The following EGFR variants were observed in gnomAD, a reference collection of about 807,000 sequenced individuals.
EGFR encodes avian erythroblastic leukemia viral (v-erb-b) oncogene homolog.
In EGFR, 58 loss-of-function variants were observed where a neutral mutation model predicts 143.0. The observed-to-expected ratio is 0.41, with a 90% CI of 0.33 to 0.50. EGFR has a LOEUF of 0.50. EGFR is among the 20% of genes least tolerant of loss of function. The probability of loss-of-function intolerance (pLI) is 0.39; values close to 1 mark genes in which losing one functional copy is unlikely to be tolerated. For synonymous variants in EGFR, 613 were observed against 594.4 expected (o/e 1.03, Z -0.45); for missense variants, 1,307 against 1,579.0 (o/e 0.83, Z 2.92).
chr7:55,047,474 G>C (rs1209005780), intron 1 of EGFR, among the ~76,000 whole-genome samples: 1 of 152,224 alleles, frequency 6.6e-6, no homozygotes, highest in African/African-American at 2.4e-5. Context: ...CTGGGACTGG[G>C]CATGGTGGCT....
chr7:55,081,837 G>A (rs1249203106), intron 1 of EGFR, among the ~76,000 whole-genome samples: 1 of 152,048 alleles, frequency 6.6e-6, no homozygotes, highest in Non-Finnish European at 1.5e-5. Flanking sequence ...AGCAGCACAG[G>A]AAAGTTTCCC....
At chr7:55,191,910 T>A (rs2128964810) in intron 21 of EGFR, 36 bp downstream of exon 21, 1 of 1,611,432 alleles carries the variant, frequency 6.2e-7, no homozygotes, top group Non-Finnish European at 8.5e-7. Flanking sequence ...AGCATTTTCC[T>A]GACACCAGGG....
chr7:55,143,403 C>T lies in EGFR; in HGVS notation c.339C>T (p.Tyr113=), dbSNP rs374582814. Residue 113 remains tyrosine, a synonymous_variant, in exon 3 of 28, where the codon TAC becomes TAT. Transcript: ENST00000275493. The part of the protein sequence containing the change: ...NLQIIRGNMY[Y]ENSYALAVLS... ...AGATCATCAGAGGAAATATGTACTA[C>T]GAAAATTCCTATGCCTTAGCAGTCT... 96 of 1,614,044 alleles carry T rather than the reference C, an allele frequency of 5.9e-5. No homozygotes were observed. Among genetic ancestry groups the T allele is most frequent in the Middle Eastern group, 3.3e-4 (2 of 6,084 alleles).
At chr7:55,051,603 A>G (rs1301846863) in intron 1 of EGFR, among the ~76,000 whole-genome samples, 1 of 152,184 alleles carries the variant, frequency 6.6e-6, no homozygotes, top group African/African-American at 2.4e-5. Context: ...TTTTCTTTAT[A>G]AATTACCCAG....
At chr7:55,044,960 T>C (rs1367951101) in intron 1 of EGFR, among the ~76,000 whole-genome samples, 3 of 152,216 alleles carry the variant, frequency 2.0e-5, no homozygotes, top group Non-Finnish European at 4.4e-5. Context: ...GTGATTCTCT[T>C]GGCTCCGTGA....
chr7:55,059,709 T>A (rs756309927), intron 1 of EGFR, among the ~76,000 whole-genome samples: 2 of 152,212 alleles, frequency 1.3e-5, no homozygotes, highest in Non-Finnish European at 2.9e-5. Context: ...TTATTGTATG[T>A]ACACCATATT....
At chr7:55,063,304 C>T (rs958752342) in intron 1 of EGFR, among the ~76,000 whole-genome samples, 3 of 152,150 alleles carry the variant, frequency 2.0e-5, no homozygotes, top group African/African-American at 7.2e-5. Flanking sequence ...TCGTTTGAAT[C>T]CTCTTCCCTG....
intron 1 of EGFR, among the ~76,000 whole-genome samples, chr7:55,020,605 C>A (rs1354526849): frequency 2.0e-5 from 3 of 147,418 alleles, no homozygotes; most frequent in African/African-American, 7.5e-5. Flanking sequence ...GGATTGCTGT[C>A]CCTGGTTCAA....
At chr7:55,030,433 A>G (rs1406610035) in intron 1 of EGFR, among the ~76,000 whole-genome samples, 1 of 152,112 alleles carries the variant, frequency 6.6e-6, no homozygotes, top group East Asian at 1.9e-4. Context: ...ATGTGTTATA[A>G]CTGCCCATTC....
intron 1 of EGFR, among the ~76,000 whole-genome samples, chr7:55,081,748 T>A (rs997206687): frequency 6.6e-6 from 1 of 152,048 alleles, no homozygotes; most frequent in Non-Finnish European, 1.5e-5. Flanking sequence ...GCAAGCTTTT[T>A]TCTCTCTCCA....
intron 1 of EGFR, among the ~76,000 whole-genome samples, chr7:55,115,542 C>T (rs1374270759): frequency 6.6e-6 from 1 of 152,112 alleles, no homozygotes; most frequent in Non-Finnish European, 1.5e-5. Flanking sequence ...ATTTTATAAT[C>T]AATGGCAGTA....
At chr7:55,176,942 TCTAAATATATATATATCC>T (rs1441550920) in intron 19 of EGFR, among the ~76,000 whole-genome samples, 9 of 148,472 alleles carry the variant, frequency 6.1e-5, no homozygotes, top group African/African-American at 1.7e-4. Context: ...TATATCTCTC[TCTAAATATATATATATCC>T]CTAAATATAT....
At chr7:55,195,671 C>A (rs1787583969) in intron 22 of EGFR, among the ~76,000 whole-genome samples, 1 of 152,158 alleles carries the variant, frequency 6.6e-6, no homozygotes, top group African/African-American at 2.4e-5. Context: ...TCCCTCCTCC[C>A]ATCCTCCACC....
intron 3 of EGFR, among the ~76,000 whole-genome samples, chr7:55,145,020 AG>A (rs1794684603): frequency 6.6e-6 from 1 of 152,196 alleles, no homozygotes; most frequent in Admixed American, 6.5e-5. Flanking sequence ...GGGATTGTAT[AG>A]ATGCAGATTA....
chr7:55,042,016 A>G (rs1787925103), intron 1 of EGFR, among the ~76,000 whole-genome samples: 1 of 152,162 alleles, frequency 6.6e-6, no homozygotes, highest in Non-Finnish European at 1.5e-5. Context: ...TTCTCTGTAT[A>G]TGTATTTTAA....
intron 1 of EGFR, among the ~76,000 whole-genome samples, chr7:55,118,190 G>A (rs2128912014): frequency 6.6e-6 from 1 of 152,228 alleles, no homozygotes; most frequent in South Asian, 2.1e-4. Flanking sequence ...CCTCCTGTTG[G>A]AGGACACAGT....
chr7:55,206,629 G>T lies in EGFR; in HGVS notation c.*1012G>T, dbSNP rs17337549. 1 of 233,270 alleles carries T rather than the reference G, an allele frequency of 4.3e-6. No homozygotes were observed. The highest frequency in any genetic ancestry group is 8.5e-6 in the Non-Finnish European group (1 of 118,060). The allele number at this position is 233,270 out of a possible 1,614,324, so 14.5% of individuals were successfully genotyped here. Reference sequence around the variant, plus strand: ...ATCAGAAGACTACAAAAATGAAGCTGCTCTGAAATCTCCTTTAGCCATCAC... The same window carrying T: ...ATCAGAAGACTACAAAAATGAAGCTTCTCTGAAATCTCCTTTAGCCATCAC... On this transcript the variant is annotated 3_prime_UTR_variant, in exon 28 of 28. Coordinates refer to ENST00000275493, the MANE Select transcript of EGFR (RefSeq NM_005228.5).
At chr7:55,044,347 G>T (rs1322355622) in intron 1 of EGFR, among the ~76,000 whole-genome samples, 1 of 152,208 alleles carries the variant, frequency 6.6e-6, no homozygotes, top group Admixed American at 6.5e-5. Context: ...CAAGTGAACA[G>T]TAAATGTATG....
intron 1 of EGFR, among the ~76,000 whole-genome samples, chr7:55,042,171 C>A (rs1249572823): frequency 6.6e-6 from 1 of 152,256 alleles, no homozygotes; most frequent in Non-Finnish European, 1.5e-5. Context: ...ACCATGACAA[C>A]CATTAAAGAT....
Sources: allele counts gnomAD v4.1 joint callset (sites outside exome capture counted in the v4.1 genomes callset), GRCh38; gene constraint gnomAD v4.1.1; transcripts MANE v1.5; gene names NCBI Gene and HGNC (gene_info 2026-07-23, HGNC 2026-07-21).